Variants in NHSL1 observed in about 807,000 individuals in gnomAD.
The protein encoded by NHSL1 is NHS-like protein 1.
Under a neutral mutation model 95.0 loss-of-function variants are expected in NHSL1, and 48 were observed. The ratio of observed to expected loss-of-function variants is 0.51; its 90% CI spans 0.40 to 0.64. The LOEUF (loss-of-function observed/expected upper bound fraction) is 0.64, where lower values mean the gene tolerates loss of function less well. NHSL1 is among the 30% of genes least tolerant of loss of function. NHSL1 has a pLI of 0.00. For synonymous variants in NHSL1, 783 were observed against 833.9 expected (o/e 0.94, Z 1.05); for missense variants, 1,971 against 2,077.7 (o/e 0.95, Z 1.00).
At position 138,437,389 on chromosome 6, in the gene NHSL1, CATATAT is replaced by C. The variant is rs71547091; in HGVS notation, c.665-3715_665-3710del. 2.7e-5 allele frequency among the ~76,000 whole-genome samples: 2 copies of C among 73,322 alleles called. 1 individual carries two copies. The highest frequency in any genetic ancestry group is 4.9e-5 in the Non-Finnish European group (2 of 40,486). The allele number at this position is 73,322 out of a possible 152,430, so 48.1% of individuals were successfully genotyped here. On this transcript the variant is annotated intron_variant, in intron 5 of 7. Coordinates refer to ENST00000343505, the MANE Select transcript of NHSL1 (RefSeq NM_001144060.2). The stretch of plus-strand genomic sequence containing the variant: ...ATATATATACACATATATATATACA[CATATAT>C]ATATATATACACACATATACACACA...
In NHSL1 at chr6:138,524,150, T is replaced by G. The variant is rs1319318475; in HGVS notation, c.16+21473A>C. On this transcript the variant is annotated intron_variant, in intron 1 of 4. Transcript: ENST00000342260. ...TTCCCTCCTATTTACCTCTGAAGAA[T>G]GAGCACTTACCTGAGTAAATCAAGA... is the stretch of plus-strand genomic sequence containing the variant. Among the ~76,000 whole-genome samples, 5 of 152,212 alleles carry G rather than the reference T, an allele frequency of 3.3e-5. No homozygotes were observed. The East Asian group carries it at 9.6e-4, about 29-fold the overall frequency.
intron 1 of NHSL1, among the ~76,000 whole-genome samples, chr6:138,507,429 TAGA>T (rs1205897836): frequency 6.6e-6 from 1 of 152,204 alleles, no homozygotes; most frequent in Non-Finnish European, 1.5e-5. Flanking sequence ...TGTGCCAGAT[TAGA>T]AGAGATTTAA....
intron 1 of NHSL1, among the ~76,000 whole-genome samples, chr6:138,609,244 C>G (rs1315748176): frequency 7.0e-6 from 1 of 143,670 alleles, no homozygotes; most frequent in Non-Finnish European, 1.5e-5. Context: ...AGAAATGGTG[C>G]TGGACATGGT....
In NHSL1 at chr6:138,431,898, A is replaced by T; in HGVS notation, c.2447T>A (p.Val816Asp). 3 of 1,551,712 alleles carry T rather than the reference A, an allele frequency of 1.9e-6. No individual in the cohort carries two copies. Among genetic ancestry groups the T allele is most frequent in the Non-Finnish European group, 2.6e-6 (3 of 1,146,988 alleles). ...VPTGNGPVRH[V>D]QEGSRATMPQ... ...CATTGTGGCTCTGGACCCTTCTTGGACATGGCGGACTGGCCCGTTCCCAGT... is the reference window on the plus strand; with the variant it reads ...CATTGTGGCTCTGGACCCTTCTTGGTCATGGCGGACTGGCCCGTTCCCAGT... Residue 816 changes from valine to aspartate, a missense_variant, in exon 6 of 8, where the codon GTC becomes GAC. Physicochemically the swap from Val to Asp is radical, Grantham distance 152. Transcript: ENST00000343505. This position sits in a 1 kb window ranked among gnomAD's most constrained non-coding sequence, Gnocchi z 4.0.
intron 1 of NHSL1, among the ~76,000 whole-genome samples, chr6:138,683,132 C>A (rs1785535085): frequency 6.6e-6 from 1 of 152,136 alleles, no homozygotes. Context: ...ATAAAAAGGC[C>A]CCGGAAACAG....
At chr6:138,599,696 A>T (rs1784347869) in intron 1 of NHSL1, among the ~76,000 whole-genome samples, 1 of 152,204 alleles carries the variant, frequency 6.6e-6, no homozygotes, top group African/African-American at 2.4e-5. Flanking sequence ...TGCTCAGTTA[A>T]GTCCAATCAG....
At position 138,506,187 on chromosome 6, in the gene NHSL1, AATAG is replaced by A. The variant is rs148357642; in HGVS notation, c.17-9820_17-9817del. Among the ~76,000 whole-genome samples the A allele has an allele frequency of 8.3e-3, 1,262 of 152,310 alleles. 16 individuals carry two copies. The highest frequency in any genetic ancestry group is 0.028 in the African/African-American group (1,179 of 41,558). ...TAATAAACATTCATAATGTTTTACC[AATAG>A]ATAAAGATAATTTAGGCCTATCCTG... On this transcript the variant is annotated intron_variant, in intron 1 of 4. Transcript: ENST00000342260.
At chr6:138,566,417 A>ATCAG (rs1214158375) in intron 1 of NHSL1, among the ~76,000 whole-genome samples, 2 of 151,534 alleles carry the variant, frequency 1.3e-5, no homozygotes, top group African/African-American at 4.9e-5. Flanking sequence ...CAATCAATCA[A>ATCAG]TCAATCAATC....
chr6:138,501,079 C>T (rs1780649006), upstream of NHSL1, among the ~76,000 whole-genome samples: 1 of 152,190 alleles, frequency 6.6e-6, no homozygotes, highest in South Asian at 2.1e-4. Context: ...GGCAAAAACA[C>T]TCATATGCAC....
At chr6:138,441,224 G>A (rs1776504345) in intron 5 of NHSL1, among the ~76,000 whole-genome samples, 1 of 152,214 alleles carries the variant, frequency 6.6e-6, no homozygotes, top group South Asian at 2.1e-4. Flanking sequence ...TGGCACTGGA[G>A]TCCTTAGTCC....
intron 1 of NHSL1, among the ~76,000 whole-genome samples, chr6:138,508,607 A>G (rs571360129): frequency 6.6e-6 from 1 of 151,982 alleles, no homozygotes; most frequent in South Asian, 2.1e-4. Context: ...AGGGCCAGTG[A>G]GGTGAGGGAT....
intron 1 of NHSL1, among the ~76,000 whole-genome samples, chr6:138,687,568 C>T (rs1037146651): frequency 1.3e-5 from 2 of 152,190 alleles, no homozygotes; most frequent in African/African-American, 4.8e-5. Context: ...TATTATGTAT[C>T]AATTAAAAAG....
intron 1 of NHSL1, among the ~76,000 whole-genome samples, chr6:138,528,440 C>G (rs1456955975): frequency 6.6e-6 from 1 of 152,136 alleles, no homozygotes; most frequent in Non-Finnish European, 1.5e-5. Flanking sequence ...CCAACCTACC[C>G]TGCCTTTTAA....
chr6:138,457,053 A>G (rs905960909), intron 3 of NHSL1, among the ~76,000 whole-genome samples: 4 of 151,774 alleles, frequency 2.6e-5, no homozygotes, highest in African/African-American at 9.7e-5. Flanking sequence ...GCTAATTTTT[A>G]TATTTTCAGT....
intron 3 of NHSL1, among the ~76,000 whole-genome samples, chr6:138,466,049 G>C (rs1415843991): frequency 1.5e-5 from 2 of 137,318 alleles, no homozygotes; most frequent in East Asian, 2.4e-4. Flanking sequence ...TTTGGGGGGG[G>C]GGCAGGGGGG....
intron 1 of NHSL1, among the ~76,000 whole-genome samples, chr6:138,562,258 G>A (rs1210349379): frequency 2.6e-5 from 4 of 152,152 alleles, no homozygotes; most frequent in South Asian, 2.1e-4. Context: ...AGTTCACAAC[G>A]CTAGAAAAAG....
At chr6:138,624,414 C>T (rs1376115920) in intron 1 of NHSL1, among the ~76,000 whole-genome samples, 5 of 152,082 alleles carry the variant, frequency 3.3e-5, no homozygotes, top group African/African-American at 1.2e-4. Flanking sequence ...CATTGTATGA[C>T]ACAGATGACT....
Position 138,424,168 on chromosome 6 carries a change from C to A in NHSL1, c.4734G>T (p.Gln1578His), listed in dbSNP as rs1775090706. ...GEGPAASLQP[Q>H]APGPVDGTAS... is the part of the protein sequence containing the mutation. ...CTGTCCCATCCACAGGGCCGGGGGC[C>A]TGGGGCTGCAGGGAGGCGGCAGGCC... is the stretch of plus-strand genomic sequence containing the variant. The change falls in exon 8 of 8, where the codon CAG becomes CAT. Residue 1578 changes from glutamine (Q) to histidine (H), a missense_variant. Gln to His is a conservative substitution (Grantham distance 24). Around this residue, in one of 3 missense-constraint regions of NHSL1, gnomAD observed 223 missense variants for 217.0 expected, o/e 1.03. Coordinates refer to ENST00000343505, the MANE Select transcript of NHSL1 (RefSeq NM_001144060.2). The surrounding 1 kb of genome is among the most constrained non-coding windows in gnomAD (Gnocchi z 5.9). 2 of 1,460,546 alleles carry A rather than the reference C, an allele frequency of 1.4e-6. No homozygotes were observed. 90.5% of individuals were successfully genotyped at this position (1,460,546 alleles called of 1,614,324 possible).
chr6:138,559,552 T>A (rs915391146), intron 1 of NHSL1, among the ~76,000 whole-genome samples: 2 of 152,228 alleles, frequency 1.3e-5, no homozygotes, highest in Non-Finnish European at 2.9e-5. Context: ...ACCACTACTC[T>A]ACACTGTTTC....
Sources: gnomAD v4.1 joint callset for allele counts (sites outside exome capture counted in the v4.1 genomes callset) on GRCh38, gnomAD v4.1.1 for gene constraint, gnomAD v4.1.1 regional missense constraint, Gnocchi (gnomAD v3.1) non-coding constraint, MANE v1.5 for transcripts, NCBI Gene and HGNC (gene_info 2026-07-23, HGNC 2026-07-21) for gene names.